Variants in UBXN2A observed in about 807,000 individuals in gnomAD.
The protein encoded by UBXN2A is UBX domain-containing protein 2A.
In UBXN2A, 28 loss-of-function variants were observed where a neutral mutation model predicts 28.4. That is an observed-to-expected ratio of 0.99 (90% CI 0.73 to 1.35). The LOEUF is 1.35. Ranked by LOEUF, UBXN2A falls within the 40% of genes most tolerant of loss-of-function variation. UBXN2A has a pLI of 0.00. For missense variants in UBXN2A, 253 were observed against 297.9 expected, an observed-to-expected ratio of 0.85 and a Z score of 1.11; for synonymous variants, 97 against 103.6, an observed-to-expected ratio of 0.94 and a Z score of 0.39.
intron 4 of UBXN2A, among the ~76,000 whole-genome samples, chr2:23,979,917 C>A (rs1195709910): frequency 6.6e-6 from 1 of 150,692 alleles, no homozygotes; most frequent in African/African-American, 2.5e-5. Context: ...TGACTATTTT[C>A]TTTTATTTAT....
In UBXN2A at chr2:23,982,887, T is replaced by C; in HGVS notation, c.288-9T>C. On this transcript the variant is annotated splice_polypyrimidine_tract_variant and intron_variant, in intron 4 of 6. Coordinates refer to ENST00000309033, the MANE Select transcript of UBXN2A (RefSeq NM_181713.4). ...GGAGCTTTATCATTTTCTTTCTTTG[T>C]TTTCCAAGGGAATTACCTTCAGAAT... The C allele has an allele frequency of 6.3e-7, 1 of 1,584,196 alleles. No individual in the cohort carries two copies.
chr2:23,981,558 C>T (rs1164198237), intron 4 of UBXN2A, among the ~76,000 whole-genome samples: 1 of 148,022 alleles, frequency 6.8e-6, no homozygotes, highest in Non-Finnish European at 1.5e-5. Context: ...TGTATTATTT[C>T]CGTTTTCAGA....
intron 6 of UBXN2A, among the ~76,000 whole-genome samples, chr2:23,993,568 A>G (rs916026938): frequency 6.6e-6 from 1 of 152,106 alleles, no homozygotes; most frequent in Non-Finnish European, 1.5e-5. Context: ...CAACCCTCAA[A>G]ATGCTATTAC....
intron 1 of UBXN2A, among the ~76,000 whole-genome samples, chr2:23,928,879 T>TA (rs1399996236): frequency 6.6e-6 from 1 of 152,184 alleles, no homozygotes; most frequent in East Asian, 1.9e-4. Flanking sequence ...ACCTGCCACT[T>TA]AGAGTTGATG....
chr2:23,978,886 C>G (rs1299992418), intron 4 of UBXN2A, among the ~76,000 whole-genome samples: 1 of 151,736 alleles, frequency 6.6e-6, no homozygotes, highest in Non-Finnish European at 1.5e-5. Flanking sequence ...TTGCTTGAAC[C>G]CAGGACGCAG....
intron 5 of UBXN2A, among the ~76,000 whole-genome samples, chr2:23,983,892 T>A (rs572891467): frequency 6.6e-6 from 1 of 152,278 alleles, no homozygotes; most frequent in African/African-American, 2.4e-5. Context: ...GCCAGGCTGG[T>A]CTTGAACTCC....
At chr2:23,991,430 C>T (rs1223293727) in intron 6 of UBXN2A, among the ~76,000 whole-genome samples, 3 of 147,058 alleles carry the variant, frequency 2.0e-5, no homozygotes, top group Admixed American at 1.4e-4. Flanking sequence ...CACACACACA[C>T]ATATACATAT....
At chr2:23,940,338 G>T (rs988351141), upstream of UBXN2A, 1 of 151,846 alleles carries the variant, frequency 6.6e-6, no homozygotes, top group Non-Finnish European at 1.5e-5. Context: ...GGTGGGAAGG[G>T]GAGGCGGCCA....
intron 5 of UBXN2A, among the ~76,000 whole-genome samples, chr2:23,983,296 G>A (rs1289355788): frequency 6.6e-6 from 1 of 151,934 alleles, no homozygotes; most frequent in Non-Finnish European, 1.5e-5. Context: ...ACCTGAGATC[G>A]GGAGTTCGAG....
At chr2:23,963,744 C>T (rs1302489085) in intron 2 of UBXN2A, among the ~76,000 whole-genome samples, 1 of 151,950 alleles carries the variant, frequency 6.6e-6, no homozygotes, top group Admixed American at 6.6e-5. Flanking sequence ...GGCGATTCCT[C>T]AAAAAATTAA....
chr2:23,937,764 G>T (rs1309554208), upstream of UBXN2A, among the ~76,000 whole-genome samples: 2 of 152,208 alleles, frequency 1.3e-5, no homozygotes, highest in African/African-American at 4.8e-5. Flanking sequence ...TCTAAGTATG[G>T]TCATGTAGTG....
chr2:23,932,978 G>A (rs1324657084), intron 1 of UBXN2A, among the ~76,000 whole-genome samples: 2 of 152,100 alleles, frequency 1.3e-5, no homozygotes, highest in Admixed American at 6.6e-5. Flanking sequence ...GGTGGCACAC[G>A]CCTGTAGTCC....
chr2:23,971,014 G>T (rs1368307663), intron 2 of UBXN2A, among the ~76,000 whole-genome samples: 3 of 152,066 alleles, frequency 2.0e-5, no homozygotes, highest in Non-Finnish European at 4.4e-5. Flanking sequence ...AGGGGTTGGG[G>T]ATCCCAATCT....
At chr2:23,969,956 G>T (rs560029704) in intron 2 of UBXN2A, among the ~76,000 whole-genome samples, 1 of 152,018 alleles carries the variant, frequency 6.6e-6, no homozygotes, top group Non-Finnish European at 1.5e-5. Flanking sequence ...CCAAAAAAAC[G>T]CATAGTAATC....
intron 4 of UBXN2A, 109 bp from the exon 5 acceptor site, chr2:23,982,782 AATATT>A: frequency 9.0e-7 from 1 of 1,112,944 alleles, no homozygotes; most frequent in Non-Finnish European, 1.2e-6. Context: ...CATTGTATAG[AATATT>A]ATATATTTCT....
In UBXN2A at chr2:24,002,676, C is replaced by G. The variant is rs1373307790; in HGVS notation, c.*2809C>G. ...CCGCCCGCCTTGGCCTCCCAAAGTGCTAGGATTATAGGCGTGAGCCACTGT... is the reference window on the plus strand; with the variant it reads ...CCGCCCGCCTTGGCCTCCCAAAGTGGTAGGATTATAGGCGTGAGCCACTGT... On this transcript the variant is annotated 3_prime_UTR_variant, in exon 7 of 7. Transcript: ENST00000309033. 6.6e-6 allele frequency: 1 copy of G among 152,120 alleles called. No individual in the cohort carries two copies. The highest frequency in any genetic ancestry group is 1.9e-4 in the East Asian group (1 of 5,162). 9.4% of individuals were successfully genotyped at this position (152,120 alleles called of 1,614,324 possible). A position where few individuals can be genotyped will look rare whatever the true frequency, so the allele number is the denominator to read the frequency against.
At chr2:23,940,807 G>A (rs1705715116) in intron 1 of UBXN2A, among the ~76,000 whole-genome samples, 159 bp downstream of exon 1, 1 of 152,050 alleles carries the variant, frequency 6.6e-6, no homozygotes, top group Admixed American at 6.5e-5. Context: ...TTTGCGACTC[G>A]GGAAGGGGCG....
chr2:23,945,080 A>C (rs1255699836), intron 1 of UBXN2A, among the ~76,000 whole-genome samples: 1 of 152,004 alleles, frequency 6.6e-6, no homozygotes, highest in Non-Finnish European at 1.5e-5. Context: ...ATACTTATTA[A>C]AAAAAAGGGG....
At chr2:23,977,797 T>C (rs1366586717) in intron 4 of UBXN2A, among the ~76,000 whole-genome samples, 1 of 152,056 alleles carries the variant, frequency 6.6e-6, no homozygotes, top group Non-Finnish European at 1.5e-5. Context: ...ACATTCACAT[T>C]TTTATAAGAT....
Sources: allele counts gnomAD v4.1 joint callset (sites outside exome capture counted in the v4.1 genomes callset), GRCh38; gene constraint gnomAD v4.1.1; transcripts MANE v1.5; gene names NCBI Gene and HGNC (gene_info 2026-07-23, HGNC 2026-07-21).